TENM1: variants seen among roughly 807,000 people sequenced by gnomAD.
TENM1 encodes the protein teneurin transmembrane protein 1, also known as teneurin-1.
Under a neutral mutation model 174.8 loss-of-function variants are expected in TENM1, and 35 were observed. That is an observed-to-expected ratio of 0.20 (90% confidence interval 0.15 to 0.27). TENM1 has a LOEUF of 0.27. Among genes scored for constraint, TENM1 ranks in the 10% least tolerant of loss-of-function variants. The probability of loss-of-function intolerance (pLI) is 1.00; values close to 1 mark genes in which losing one functional copy is unlikely to be tolerated. For missense variants in TENM1, 1,633 were observed against 2,130.1 expected (o/e 0.77, Z 4.59); for synonymous variants, 781 against 798.7 (o/e 0.98, Z 0.37).
intron 26 of TENM1, 45 bp from the exon 30 acceptor site, chrX:124,405,311 G>T: frequency 9.3e-7 from 1 of 1,078,308 alleles, no homozygotes; most frequent in South Asian, 1.9e-5. Context: ...AGGAAGGGAA[G>T]AGCAGGAAGC....
Position 124,916,595 on chromosome X carries a change from T to C in TENM1, c.218-20354A>G, listed in dbSNP as rs758343804. Among the ~76,000 whole-genome samples the C allele has an allele frequency of 2.7e-5, 3 of 111,492 alleles. No homozygotes were observed. The South Asian group carries it at 1.1e-3, about 43-fold the overall frequency. On this transcript the variant is annotated intron_variant, in intron 1 of 31. Coordinates refer to ENST00000422452, the Ensembl canonical transcript of TENM1. ...CCCAAAGTGCTGTGATTATAGGCAG[T>C]TCTCATGTTGAAATTTAATTGTCAT...
At chrX:124,382,916 A>G (rs1196869779) in intron 30 of TENM1, 104 bp from the exon 34 acceptor site, 1 of 523,048 alleles carries the variant, frequency 1.9e-6, no homozygotes, top group African/African-American at 2.5e-5. Flanking sequence ...TGTTTAGGCA[A>G]TAGAAGTTAG....
chrX:124,994,874 C>T, the TENM1 span, among the ~76,000 whole-genome samples: 4 of 110,889 alleles, frequency 3.6e-5, no homozygotes, highest in Non-Finnish European at 7.6e-5. Context: ...AAATCTTATC[C>T]ATCATTTCTC....
chrX:125,025,534 G>A, the TENM1 span, among the ~76,000 whole-genome samples: 1 of 111,613 alleles, frequency 9.0e-6, no homozygotes, highest in Non-Finnish European at 1.9e-5. Flanking sequence ...GGCATGCTGG[G>A]TTCTGAGTTC....
At chrX:124,601,383 G>A (rs1331326675) in intron 11 of TENM1, among the ~76,000 whole-genome samples, 1 of 110,910 alleles carries the variant, frequency 9.0e-6, no homozygotes, top group African/African-American at 3.3e-5. Flanking sequence ...ACCTTTCACA[G>A]GACTCTTCGA....
intron 22 of TENM1, among the ~76,000 whole-genome samples, chrX:124,466,893 A>G (rs1269815622): frequency 3.6e-5 from 4 of 111,882 alleles, no homozygotes; most frequent in South Asian, 3.8e-4. Context: ...TAAGCTTAGC[A>G]GAATCTATTC....
chrX:125,048,539 G>A, the TENM1 span, among the ~76,000 whole-genome samples: 4 of 111,355 alleles, frequency 3.6e-5, no homozygotes, highest in Non-Finnish European at 7.5e-5. Flanking sequence ...ATAGGTGGCA[G>A]TATCAATCTA....
At chrX:124,509,037 T>C (rs1484229177) in intron 18 of TENM1, among the ~76,000 whole-genome samples, 3 of 110,560 alleles carry the variant, frequency 2.7e-5, no homozygotes, top group Non-Finnish European at 5.7e-5. Flanking sequence ...GGAGGTTATA[T>C]TCAAGTGGGA....
chrX:125,177,910 T>C, the TENM1 span, among the ~76,000 whole-genome samples: 2 of 112,215 alleles, frequency 1.8e-5, no homozygotes, highest in African/African-American at 6.5e-5. Flanking sequence ...TAGTTGTTTT[T>C]CTTCCATATT....
chrX:124,476,700 A>T (rs960134916), intron 22 of TENM1, among the ~76,000 whole-genome samples: 1 of 112,366 alleles, frequency 8.9e-6, no homozygotes, highest in Non-Finnish European at 1.9e-5. Flanking sequence ...ATTTTATTTT[A>T]TATCCCCACC....
At chrX:124,420,387 C>G in exon 25 of TENM1, 1 of 1,211,905 alleles carries the variant, frequency 8.3e-7, no homozygotes, top group Non-Finnish European at 1.1e-6. Flanking sequence ...GTCATTAAGG[C>G]CAGATTATAG....
intron 15 of TENM1, among the ~76,000 whole-genome samples, chrX:124,544,030 G>A (rs2048377939): frequency 8.8e-6 from 1 of 113,122 alleles, no homozygotes; most frequent in Admixed American, 9.3e-5. Flanking sequence ...CAAATCAGCT[G>A]TGTGGGTCGC....
chrX:124,589,638 T>A (rs1023945018), intron 11 of TENM1, among the ~76,000 whole-genome samples: 3 of 110,918 alleles, frequency 2.7e-5, no homozygotes, highest in African/African-American at 9.8e-5. Flanking sequence ...CCTTGTTCAG[T>A]CTTGGGAGGT....
the TENM1 span, among the ~76,000 whole-genome samples, chrX:125,004,164 C>G: frequency 9.0e-6 from 1 of 111,670 alleles, no homozygotes; most frequent in African/African-American, 3.3e-5. Flanking sequence ...CAAATCTGAA[C>G]AAGCATCAAA....
At chrX:125,148,980 C>T in the TENM1 span, among the ~76,000 whole-genome samples, 1 of 111,718 alleles carries the variant, frequency 9.0e-6, no homozygotes, top group Non-Finnish European at 1.9e-5. Flanking sequence ...AAATTAGAAA[C>T]CAGATACTGT....
chrX:124,675,185 A>G (rs1279068769), intron 5 of TENM1, among the ~76,000 whole-genome samples: 3 of 111,674 alleles, frequency 2.7e-5, no homozygotes, highest in Non-Finnish European at 5.7e-5. Flanking sequence ...TGTTTGTAAT[A>G]TATGTTTGTG....
chrX:124,768,952 C>T (rs991278403), intron 3 of TENM1, among the ~76,000 whole-genome samples: 17 of 111,935 alleles, frequency 1.5e-4, no homozygotes, highest in Non-Finnish European at 1.9e-5. Flanking sequence ...ACTGAGGATT[C>T]ATTATGATTT....
the TENM1 span, among the ~76,000 whole-genome samples, chrX:124,990,874 C>T: frequency 9.0e-6 from 1 of 111,530 alleles, no homozygotes; most frequent in African/African-American, 3.3e-5. Context: ...GGTAGCACTC[C>T]ATGGTCGGCA....
At chrX:124,485,125 A>G (rs900653882) in intron 21 of TENM1, among the ~76,000 whole-genome samples, 1 of 111,883 alleles carries the variant, frequency 8.9e-6, no homozygotes, top group Non-Finnish European at 1.9e-5. Flanking sequence ...CCCTCCAAGC[A>G]TATTTATGTA....
Sources: gnomAD v4.1 joint callset for allele counts (sites outside exome capture counted in the v4.1 genomes callset) on GRCh38, gnomAD v4.1.1 for gene constraint, MANE v1.5 for transcripts, NCBI Gene and HGNC (gene_info 2026-07-23, HGNC 2026-07-21) for gene names.